Variants in PCDHA3 observed in about 807,000 individuals in gnomAD.
The protein encoded by PCDHA3 is protocadherin alpha-3.
Under a neutral mutation model 62.2 loss-of-function variants are expected in PCDHA3, and 41 were observed. The observed-to-expected ratio is 0.66, with a 90% CI of 0.51 to 0.86. The LOEUF (loss-of-function observed/expected upper bound fraction) is 0.86. Ranked by LOEUF, PCDHA3 falls within the 40% of genes least tolerant of loss-of-function variation. The pLI, the probability that PCDHA3 is intolerant of heterozygous loss-of-function variation, is 0.00. For synonymous variants in PCDHA3, 640 were observed against 555.4 expected, an observed-to-expected ratio of 1.15 and a Z score of -2.14; for missense variants, 1,304 against 1,241.2, an observed-to-expected ratio of 1.05 and a Z score of -0.76.
intron 1 of PCDHA3, chr5:140,869,029 A>AT (rs1364344296): frequency 2.6e-6 from 4 of 1,526,350 alleles, no homozygotes; most frequent in Non-Finnish European, 3.5e-6. Flanking sequence ...ATTCAACGAG[A>AT]TTTTTAACCT....
In PCDHA3 at chr5:140,803,432, G is replaced by A. The variant is rs1184973777; in HGVS notation, c.2235G>A (p.Val745=). 4 of 1,614,074 alleles carry A rather than the reference G, an allele frequency of 2.5e-6. No homozygotes were observed. The African/African-American group carries it at 5.3e-5, about 22-fold the overall frequency. Residue 745 remains valine (V), a synonymous_variant, in exon 1 of 4, where the codon GTG becomes GTA. Transcript: ENST00000522353. ...GKPTLVCSSA[V]GSWSYSQQRQ... is the part of the protein sequence containing the mutation. ...CCACGCTGGTGTGCTCCAGCGCGGT[G>A]GGGAGCTGGTCATACTCGCAGCAGA...
At chr5:140,834,311 T>C in intron 1 of PCDHA3, 2 of 1,357,576 alleles carry the variant, frequency 1.5e-6, no homozygotes, top group Non-Finnish European at 2.0e-6. Context: ...GAGATTGAAA[T>C]GAAGGGATAA....
chr5:141,000,389 C>A (rs868958582), intron 3 of PCDHA3, among the ~76,000 whole-genome samples: 168 of 62,538 alleles, frequency 2.7e-3, no homozygotes, highest in Non-Finnish European at 3.7e-3. Flanking sequence ...CTCTCTCTCT[C>A]TCTCTCTATA....
Position 140,803,450 on chromosome 5 carries a change from G to A in PCDHA3, c.2253G>A (p.Ser751=), listed in dbSNP as rs781829474. The A allele has an allele frequency of 3.1e-6, 5 of 1,613,852 alleles. No homozygotes were observed. Among genetic ancestry groups the A allele is most frequent in the Non-Finnish European group, 4.2e-6 (5 of 1,180,040 alleles). The change falls in exon 1 of 4, where the codon TCG becomes TCA. Residue 751 remains serine, a synonymous_variant. Transcript: ENST00000522353. The part of the protein sequence containing the change: ...CSSAVGSWSY[S]QQRQQRVCSG... ...GCGCGGTGGGGAGCTGGTCATACTC[G>A]CAGCAGAGGCAGCAGAGGGTGTGCT...
At chr5:140,834,330 C>T (rs1443082760) in intron 1 of PCDHA3, 11 of 1,472,318 alleles carry the variant, frequency 7.5e-6, no homozygotes, top group African/African-American at 1.4e-5. Context: ...AAAAACATTC[C>T]TATAAATTCG....
chr5:140,832,765 T>C (rs2150203921), intron 1 of PCDHA3, among the ~76,000 whole-genome samples: 1 of 152,268 alleles, frequency 6.6e-6, no homozygotes, highest in East Asian at 1.9e-4. Context: ...GCAAGAATAT[T>C]GTAAGAGGTG....
Position 140,925,562 on chromosome 5 carries a change from G to A in PCDHA3, c.2395-53387G>A, listed in dbSNP as rs28620116. On this transcript the variant is annotated intron_variant, in intron 1 of 3. Transcript: ENST00000522353. ...ACCTAATGTAAATGACAAGTTAATG[G>A]GTGCAGCACACCAACATGGCGCATG... 5.5e-3 allele frequency among the ~76,000 whole-genome samples: 841 copies of A among 151,670 alleles called. 7 individuals carry two copies. The highest frequency in any genetic ancestry group is 0.018 in the African/African-American group (764 of 41,334).
chr5:140,964,596 G>A (rs1368654948), intron 1 of PCDHA3, among the ~76,000 whole-genome samples: 2 of 152,104 alleles, frequency 1.3e-5, no homozygotes, highest in African/African-American at 4.8e-5. Flanking sequence ...CACTTTTCAT[G>A]ACAACTTACA....
chr5:140,877,361 A>G, intron 1 of PCDHA3: 6 of 1,613,976 alleles, frequency 3.7e-6, no homozygotes, highest in Non-Finnish European at 5.1e-6. Context: ...TACACTGGCG[A>G]GATCAGCACG....
At chr5:140,942,311 G>A (rs781987580) in intron 1 of PCDHA3, among the ~76,000 whole-genome samples, 1 of 152,004 alleles carries the variant, frequency 6.6e-6, no homozygotes, top group Non-Finnish European at 1.5e-5. Flanking sequence ...TTGGGAGGTC[G>A]AGGCACAAGA....
chr5:140,851,230 A>G (rs1327220273), intron 1 of PCDHA3: 1 of 1,136,468 alleles, frequency 8.8e-7, no homozygotes, highest in Non-Finnish European at 1.1e-6. Flanking sequence ...ACTATCATTT[A>G]TTTATTGCTA....
chr5:140,994,142 G>A (rs550428204), intron 3 of PCDHA3, among the ~76,000 whole-genome samples: 21 of 152,298 alleles, frequency 1.4e-4, no homozygotes, highest in South Asian at 4.1e-4. Context: ...AATGCCCTAC[G>A]TAGGTAGGGT....
intron 1 of PCDHA3, chr5:140,969,383 C>T: frequency 6.3e-6 from 10 of 1,597,986 alleles, no homozygotes; most frequent in African/African-American, 1.3e-5. Context: ...TGTTACACAT[C>T]CCCCAATATC....
In PCDHA3 at chr5:140,848,788, G is replaced by A. The variant is rs2150420579; in HGVS notation, c.2394+45197G>A. 23 of 1,593,058 alleles carry A rather than the reference G, an allele frequency of 1.4e-5. 3 individuals are homozygous for A. Among genetic ancestry groups the A allele is most frequent in the African/African-American group, 1.3e-5 (1 of 74,170 alleles). On this transcript the variant is annotated intron_variant, in intron 1 of 3. Coordinates refer to ENST00000522353, the MANE Select transcript of PCDHA3 (RefSeq NM_018906.3). ...ATCGACCGCGAGGAGCTGTGCGGGCGGAGCGCGGAGTGCAGCATCCACCTG... is the reference window on the plus strand; with the variant it reads ...ATCGACCGCGAGGAGCTGTGCGGGCAGAGCGCGGAGTGCAGCATCCACCTG...
chr5:140,845,660 T>C (rs1779973975), intron 1 of PCDHA3, among the ~76,000 whole-genome samples: 1 of 149,710 alleles, frequency 6.7e-6, no homozygotes, highest in African/African-American at 2.4e-5. Context: ...AATTTTTGTA[T>C]GTGTAGCCAT....
chr5:140,842,757 C>T (rs1481721691), intron 1 of PCDHA3: 2 of 1,594,844 alleles, frequency 1.3e-6, no homozygotes, highest in Non-Finnish European at 1.7e-6. Flanking sequence ...ACGGTGTCTG[C>T]GCGAGACGCG....
chr5:140,969,168 C>T (rs1554231530), intron 1 of PCDHA3: 2 of 1,614,088 alleles, frequency 1.2e-6, no homozygotes, highest in Non-Finnish European at 1.7e-6. Flanking sequence ...ACAGCAGGCT[C>T]AGGGAGTGAC....
chr5:140,882,449 C>T (rs782741434), intron 1 of PCDHA3: 1 of 1,614,022 alleles, frequency 6.2e-7, no homozygotes, highest in Admixed American at 1.7e-5. Context: ...GGAGCTGGTG[C>T]CGCGCCTGTT....
chr5:140,948,902 T>C (rs943078074), intron 1 of PCDHA3, among the ~76,000 whole-genome samples: 1 of 151,528 alleles, frequency 6.6e-6, no homozygotes, highest in Non-Finnish European at 1.5e-5. Flanking sequence ...TTAAGTGGAT[T>C]CTTAGGTAAC....
Sources: gnomAD v4.1 joint callset for allele counts (sites outside exome capture counted in the v4.1 genomes callset) on GRCh38, gnomAD v4.1.1 for gene constraint, MANE v1.5 for transcripts, NCBI Gene and HGNC (gene_info 2026-07-23, HGNC 2026-07-21) for gene names.